CERS5: variants seen among roughly 807,000 people sequenced by gnomAD.
CERS5 encodes the protein LAG1 homolog, ceramide synthase 5.
In CERS5, 37 loss-of-function variants were observed where a neutral mutation model predicts 58.9. The ratio of observed to expected loss-of-function variants is 0.63; its 90% CI spans 0.48 to 0.83. The LOEUF (loss-of-function observed/expected upper bound fraction) is 0.83, where lower values mean the gene tolerates loss of function less well. CERS5 is among the 40% of genes least tolerant of loss of function. The probability of loss-of-function intolerance (pLI) is 0.00; values close to 1 mark genes in which losing one functional copy is unlikely to be tolerated. For synonymous variants in CERS5, 147 were observed against 177.8 expected (o/e 0.83, Z 1.38); for missense variants, 398 against 489.3 (o/e 0.81, Z 1.76).
In CERS5 at chr12:50,134,134, G is replaced by A. The variant is rs147640765; in HGVS notation, c.1029+412C>T. ...GGTGGCTCACACCTGTAATTCCATC[G>A]CTTTGGGAAGCCGTGGTGGGAGGAC... On this transcript the variant is annotated intron_variant, in intron 9 of 9. Transcript: ENST00000317551. 556 of 209,044 alleles carry A rather than the reference G, an allele frequency of 2.7e-3. 4 individuals carry two copies. The highest frequency in any genetic ancestry group is 0.012 in the African/African-American group (488 of 40,866). The allele number at this position is 209,044 out of a possible 1,614,324, so 12.9% of individuals were successfully genotyped here.
chr12:50,165,641 CTT>C (rs769553357), intron 1 of CERS5: 9 of 173,500 alleles, frequency 5.2e-5, no homozygotes, highest in Non-Finnish European at 1.1e-4. Flanking sequence ...TTTTGAAAGA[CTT>C]GAGTCAAAAA....
intron 9 of CERS5, among the ~76,000 whole-genome samples, chr12:50,131,578 GAAAAAA>G (rs367907673): frequency 4.8e-5 from 6 of 125,262 alleles, no homozygotes; most frequent in African/African-American, 1.8e-4. Flanking sequence ...AAAAAAAAAA[GAAAAAA>G]AAAAAGAAAC....
intron 8 of CERS5, chr12:50,135,308 A>AGT (rs56858635): frequency 0.013 from 2,208 of 168,880 alleles, 35 homozygotes; most frequent in Middle Eastern, 0.024. Flanking sequence ...GAGAGAGAGG[A>AGT]GTGTGTGTGT....
chr12:50,141,989 C>T (rs1951997778), intron 4 of CERS5, 64 bp downstream of exon 4: 1 of 889,198 alleles, frequency 1.1e-6, no homozygotes, highest in Admixed American at 2.4e-5. Context: ...GTATTTAACT[C>T]TTACTTCTAG....
intron 1 of CERS5, among the ~76,000 whole-genome samples, chr12:50,146,317 A>G (rs1490173137): frequency 2.0e-5 from 3 of 152,250 alleles, no homozygotes; most frequent in Non-Finnish European, 4.4e-5. Flanking sequence ...CACTAGAAAC[A>G]TATTTCAGTC....
chr12:50,134,270 T>C (rs1159995159), intron 9 of CERS5: 2 of 539,914 alleles, frequency 3.7e-6, no homozygotes, highest in Non-Finnish European at 2.8e-6. Context: ...TCCCAGCTAC[T>C]TGGGAGGCTG....
intron 5 of CERS5, 61 bp downstream of exon 5, chr12:50,138,506 C>T: frequency 7.2e-7 from 1 of 1,387,484 alleles, no homozygotes. Flanking sequence ...GGCAAAGGAC[C>T]CTCACTCACT....
chr12:50,132,855 G>A (rs1951408724), intron 9 of CERS5: 1 of 1,225,494 alleles, frequency 8.2e-7, no homozygotes, highest in Admixed American at 2.7e-5. Flanking sequence ...AGGAGAGAGG[G>A]CATGCTCTGA....
rs1199785406 is a variant in CERS5, at chr12:50,129,944, G to T, written c.*601C>A. ...CCATTGAGTAAAGAGCAGGGTATTGGCAGCTGTCCCTGTTGCTATCAGGTG... is the reference window on the plus strand; with the variant it reads ...CCATTGAGTAAAGAGCAGGGTATTGTCAGCTGTCCCTGTTGCTATCAGGTG... On this transcript the variant is annotated 3_prime_UTR_variant, in exon 10 of 10. Coordinates refer to ENST00000317551, the MANE Select transcript of CERS5 (RefSeq NM_147190.5). The T allele has an allele frequency of 1.3e-5, 2 of 152,246 alleles. No homozygotes were observed. The highest frequency in any genetic ancestry group is 4.8e-5 in the African/African-American group (2 of 41,414). 9.4% of individuals were successfully genotyped at this position (152,246 alleles called of 1,614,324 possible).
intron 1 of CERS5, among the ~76,000 whole-genome samples, chr12:50,162,840 G>A (rs895858779): frequency 2.0e-5 from 3 of 152,068 alleles, no homozygotes; most frequent in Non-Finnish European, 2.9e-5. Flanking sequence ...CTGACCTCAG[G>A]TGATCCGCCC....
intron 1 of CERS5, among the ~76,000 whole-genome samples, chr12:50,154,866 A>G (rs983839167): frequency 3.3e-5 from 5 of 151,384 alleles, no homozygotes; most frequent in African/African-American, 1.2e-4. Flanking sequence ...GCATTTCTTA[A>G]ATTTCTTTTT....
At chr12:50,138,253 GA>G (rs1339207650) in intron 5 of CERS5, among the ~76,000 whole-genome samples, 2 of 152,208 alleles carry the variant, frequency 1.3e-5, no homozygotes, top group East Asian at 1.9e-4. Flanking sequence ...ACCTGAACCA[GA>G]AAGTACCTCA....
chr12:50,140,759 G>A (rs959578641), intron 4 of CERS5, among the ~76,000 whole-genome samples: 26 of 151,072 alleles, frequency 1.7e-4, no homozygotes, highest in African/African-American at 6.1e-4. Flanking sequence ...GTATTCTTCA[G>A]CTGTTGGTGT....
chr12:50,166,583 C>T (rs1592468563), intron 1 of CERS5, among the ~76,000 whole-genome samples: 1 of 152,180 alleles, frequency 6.6e-6, no homozygotes. Context: ...ACTCTTAGGG[C>T]CAAACTAATC....
chr12:50,153,669 T>C (rs913824513), intron 1 of CERS5, among the ~76,000 whole-genome samples: 1 of 152,258 alleles, frequency 6.6e-6, no homozygotes, highest in African/African-American at 2.4e-5. Flanking sequence ...CAAACTGTAA[T>C]ATAGGCCAGG....
intron 1 of CERS5, among the ~76,000 whole-genome samples, chr12:50,155,867 C>A (rs1938532681): frequency 6.6e-6 from 1 of 150,826 alleles, no homozygotes; most frequent in Non-Finnish European, 1.5e-5. Context: ...CTTTGGGAGG[C>A]CAAGGCGGGT....
Position 50,143,224 on chromosome 12 carries a change from G to A in CERS5, c.304-20C>T. The A allele has an allele frequency of 6.2e-7, 1 of 1,613,622 alleles. No homozygotes were observed. Among genetic ancestry groups the A allele is most frequent in the East Asian group, 2.2e-5 (1 of 44,846 alleles). On this transcript the variant is annotated intron_variant, in intron 2 of 9. Transcript: ENST00000317551. ...AGGATACTGTGAATGTATAACCAGAGTCAGAACACCCGTCTCCTCATACCC... is the reference window on the plus strand; with the variant it reads ...AGGATACTGTGAATGTATAACCAGAATCAGAACACCCGTCTCCTCATACCC...
At chr12:50,142,945 A>G (rs529159478) in intron 3 of CERS5, 129 bp downstream of exon 3, 1 of 1,003,542 alleles carries the variant, frequency 1.0e-6, no homozygotes, top group East Asian at 2.6e-5. Flanking sequence ...TACCTATAAT[A>G]GGCTGAGTTA....
At position 50,134,675 on chromosome 12, in the gene CERS5, A is replaced by G. The variant is rs2138012346; in HGVS notation, c.900T>C (p.Ser300=). 3 of 1,613,890 alleles carry G rather than the reference A, an allele frequency of 1.9e-6. No individual in the cohort carries two copies. Among genetic ancestry groups the G allele is most frequent in the Non-Finnish European group, 2.5e-6 (3 of 1,179,936 alleles). ...AAGCATAAGGCCCGATTATCTCCCA[A>G]CTCTCAAAGAGGGTCGTGTTCAGAA... ...FWILNTTLFE[S]WEIIGPYASW... is the part of the protein sequence containing the mutation. Residue 300 remains serine, a synonymous_variant, in exon 9 of 10, where the codon AGT becomes AGC. Transcript: ENST00000317551.
Sources: allele counts gnomAD v4.1 joint callset (sites outside exome capture counted in the v4.1 genomes callset), GRCh38; gene constraint gnomAD v4.1.1; transcripts MANE v1.5; gene names NCBI Gene and HGNC (gene_info 2026-07-23, HGNC 2026-07-21).